Variants in FANCL observed in about 807,000 individuals in gnomAD.
FANCL encodes the protein FA complementation group L.
A neutral mutation model predicts 59.4 loss-of-function variants in FANCL; 69 were observed. The ratio of observed to expected loss-of-function variants is 1.16; its 90% CI spans 0.96 to 1.42. The LOEUF (loss-of-function observed/expected upper bound fraction) is 1.42, where lower values mean the gene tolerates loss of function less well. Ranked by LOEUF, FANCL falls within the 40% of genes most tolerant of loss-of-function variation. FANCL has a pLI of 0.00. For synonymous variants in FANCL, 180 were observed against 147.1 expected, an observed-to-expected ratio of 1.22 and a Z score of -1.62; for missense variants, 519 against 447.2, an observed-to-expected ratio of 1.16 and a Z score of -1.45.
intron 4 of FANCL, 102 bp from the exon 5 acceptor site, chr2:58,222,144 T>C: frequency 2.6e-6 from 2 of 778,320 alleles, no homozygotes; most frequent in South Asian, 1.6e-5. Context: ...TAGTGCCTAA[T>C]AAAAGTGCCT....
chr2:58,178,941 GACAA>G (rs1246130791), intron 7 of FANCL, among the ~76,000 whole-genome samples: 7 of 152,066 alleles, frequency 4.6e-5, no homozygotes, highest in African/African-American at 4.8e-5. Flanking sequence ...ACCAATAACA[GACAA>G]ACAGAGAGAC....
At chr2:58,176,785 C>A (rs1441365702) in intron 7 of FANCL, among the ~76,000 whole-genome samples, 2 of 152,070 alleles carry the variant, frequency 1.3e-5, no homozygotes, top group Non-Finnish European at 2.9e-5. Flanking sequence ...CAAATGGGAT[C>A]TAATTAAACT....
chr2:58,197,320 A>C (rs1365713702), intron 7 of FANCL, among the ~76,000 whole-genome samples: 1 of 152,044 alleles, frequency 6.6e-6, no homozygotes, highest in Non-Finnish European at 1.5e-5. Context: ...TTTATGTTTT[A>C]AAATACAAGC....
intron 1 of FANCL, among the ~76,000 whole-genome samples, chr2:58,237,192 A>G (rs926134858): frequency 6.6e-6 from 1 of 152,192 alleles, no homozygotes; most frequent in African/African-American, 2.4e-5. Flanking sequence ...TACACACAGT[A>G]TATTCACCAG....
chr2:58,171,861 G>C (rs1686661166), intron 7 of FANCL, among the ~76,000 whole-genome samples: 1 of 152,124 alleles, frequency 6.6e-6, no homozygotes, highest in Admixed American at 6.5e-5. Flanking sequence ...GTCAAAGAAA[G>C]GGGTGACAGA....
intron 1 of FANCL, among the ~76,000 whole-genome samples, chr2:58,238,351 T>A (rs1474388795): frequency 6.6e-6 from 1 of 152,200 alleles, no homozygotes; most frequent in Non-Finnish European, 1.5e-5. Context: ...ATCCAAGTTG[T>A]TCGCAAATTT....
intron 7 of FANCL, among the ~76,000 whole-genome samples, chr2:58,182,516 C>A (rs1036168438): frequency 1.3e-5 from 2 of 151,432 alleles, no homozygotes; most frequent in African/African-American, 2.4e-5. Flanking sequence ...TTTATTCCTG[C>A]GATAAATTTT....
At chr2:58,231,203 C>G (rs1056412266) in intron 2 of FANCL, among the ~76,000 whole-genome samples, 2 of 152,150 alleles carry the variant, frequency 1.3e-5, no homozygotes, top group Admixed American at 6.5e-5. Context: ...CACTGGCTTT[C>G]TCTTCTACCC....
rs147860433 is a variant in FANCL at position 58,160,135 on chromosome 2, T to C, written c.1065A>G (p.Ile355Met). ...LLTSRQSFNI[I>M]FGECPYCSKP... ...TACTACAATATGGACATTCACCAAA[T>C]ATGATGTTAAAACTCTGTCTACTAG... Residue 355 changes from isoleucine (I) to methionine (M), a missense_variant, in exon 13 of 14, where the codon ATA (isoleucine) becomes ATG (methionine). By Grantham distance (10) the Ile-to-Met change is conservative. Coordinates refer to ENST00000233741, the MANE Select transcript of FANCL (RefSeq NM_018062.4). 5.0e-6 allele frequency: 8 copies of C among 1,612,780 alleles called. 1 individual carries two copies. In the Admixed American group the frequency reaches 8.3e-5, roughly 17 times the overall value.
chr2:58,204,029 A>T (rs760641420), intron 6 of FANCL, 101 bp downstream of exon 6: 5 of 900,028 alleles, frequency 5.6e-6, no homozygotes, highest in Non-Finnish European at 9.3e-6. Context: ...TGATATATGT[A>T]TTTTTAGATG....
chr2:58,201,056 T>C (rs752934177), intron 6 of FANCL, among the ~76,000 whole-genome samples: 2 of 149,690 alleles, frequency 1.3e-5, no homozygotes, highest in Non-Finnish European at 3.0e-5. Context: ...AATATTAAAA[T>C]ATAAACTAGC....
intron 6 of FANCL, among the ~76,000 whole-genome samples, 191 bp from the exon 7 acceptor site, chr2:58,198,853 C>G (rs1689705001): frequency 6.6e-6 from 1 of 151,896 alleles, no homozygotes; most frequent in Non-Finnish European, 1.5e-5. Flanking sequence ...ACGGTGAAAC[C>G]TCGCCTCTAC....
intron 7 of FANCL, among the ~76,000 whole-genome samples, chr2:58,172,422 G>C (rs1212164422): frequency 6.6e-6 from 1 of 152,144 alleles, no homozygotes; most frequent in South Asian, 2.1e-4. Flanking sequence ...GGAACCATCA[G>C]ACAGCAGCAT....
intron 5 of FANCL, 33 bp from the exon 6 acceptor site, chr2:58,204,259 A>G (rs1690349857): frequency 1.3e-6 from 2 of 1,502,972 alleles, no homozygotes; most frequent in Non-Finnish European, 1.9e-6. Flanking sequence ...AAATGATCAC[A>G]CCGGGGAGAG....
intron 7 of FANCL, among the ~76,000 whole-genome samples, chr2:58,169,509 C>T (rs1362232552): frequency 1.3e-5 from 2 of 152,110 alleles, no homozygotes; most frequent in African/African-American, 4.8e-5. Context: ...CAACGGATCA[C>T]AACTCCTCGC....
intron 7 of FANCL, among the ~76,000 whole-genome samples, chr2:58,183,624 A>T (rs565483115): frequency 1.3e-5 from 2 of 151,966 alleles, no homozygotes; most frequent in South Asian, 4.2e-4. Flanking sequence ...TATATTTTAA[A>T]AATCCTCTTT....
chr2:58,195,167 A>G (rs919418470), intron 7 of FANCL, among the ~76,000 whole-genome samples: 1 of 152,124 alleles, frequency 6.6e-6, no homozygotes, highest in East Asian at 1.9e-4. Flanking sequence ...TCAGCCAGCC[A>G]ATTAAAAAAG....
At chr2:58,170,821 T>C (rs777343898) in intron 7 of FANCL, among the ~76,000 whole-genome samples, 3 of 151,938 alleles carry the variant, frequency 2.0e-5, no homozygotes, top group Non-Finnish European at 4.4e-5. Context: ...CAAGGAGAGC[T>C]AACAATCCTA....
At chr2:58,168,288 G>T (rs1276521465) in intron 7 of FANCL, among the ~76,000 whole-genome samples, 2 of 152,138 alleles carry the variant, frequency 1.3e-5, no homozygotes, top group Non-Finnish European at 2.9e-5. Flanking sequence ...AGTGGGTGCA[G>T]CCCACAGAGG....
Sources: gnomAD v4.1 joint callset for allele counts (sites outside exome capture counted in the v4.1 genomes callset) on GRCh38, gnomAD v4.1.1 for gene constraint, MANE v1.5 for transcripts, NCBI Gene and HGNC (gene_info 2026-07-23, HGNC 2026-07-21) for gene names.